Variants in ZNF578 observed in about 807,000 individuals in gnomAD.
ZNF578 encodes the protein Putative chemokine-related protein B42.
In ZNF578, 8 loss-of-function variants were observed where a neutral mutation model predicts 8.3. The ratio of observed to expected loss-of-function variants is 0.96; its 90% CI spans 0.56 to 1.74. The LOEUF is 1.74. ZNF578 is among the 40% of genes most tolerant of loss of function. The pLI, the probability that ZNF578 is intolerant of heterozygous loss-of-function variation, is 0.00. For synonymous variants in ZNF578, 206 were observed against 232.2 expected (o/e 0.89, Z 1.03); for missense variants, 726 against 707.5 (o/e 1.03, Z -0.30).
At chr19:52,477,855 G>A (rs1338592301) in intron 2 of ZNF578, among the ~76,000 whole-genome samples, 1 of 152,198 alleles carries the variant, frequency 6.6e-6, no homozygotes, top group Non-Finnish European at 1.5e-5. Flanking sequence ...TCTGACACTT[G>A]ACTGCCTCTT....
At chr19:52,487,351 T>C (rs991024174) in intron 2 of ZNF578, among the ~76,000 whole-genome samples, 5 of 152,116 alleles carry the variant, frequency 3.3e-5, no homozygotes, top group Non-Finnish European at 5.9e-5. Context: ...GGTGAGTTCA[T>C]TGGATATGAT....
At chr19:52,495,408 C>G (rs1599904830) in intron 3 of ZNF578, among the ~76,000 whole-genome samples, 3 of 147,390 alleles carry the variant, frequency 2.0e-5, no homozygotes, top group East Asian at 3.9e-4. Context: ...TGAGATCGCA[C>G]CATTGTACTT....
intron 2 of ZNF578, among the ~76,000 whole-genome samples, chr19:52,482,439 C>G (rs150800020): frequency 4.6e-5 from 7 of 152,064 alleles, no homozygotes; most frequent in Non-Finnish European, 1.0e-4. Flanking sequence ...GGTTCGAGAC[C>G]AGCGTGGCCA....
At chr19:52,456,021 T>A (rs2059238648) in intron 1 of ZNF578, 1 of 152,238 alleles carries the variant, frequency 6.6e-6, no homozygotes, top group African/African-American at 2.4e-5. Flanking sequence ...CTGAGGTTGC[T>A]CCTGTCTCAG....
intron 2 of ZNF578, chr19:52,474,414 C>T (rs1444593431): frequency 6.8e-6 from 2 of 295,618 alleles, no homozygotes; most frequent in Admixed American, 4.5e-5. Flanking sequence ...TAAGGTTTCT[C>T]TCCAGTAAGA....
chr19:52,512,330 T>C lies in ZNF578; in HGVS notation c.*176T>C, dbSNP rs1469992770. ...ACTTACCATCAGGCCATTCATGGTG[T>C]AGGGAAACTTGACTAATGTAATGAT... is the stretch of plus-strand genomic sequence containing the variant. On this transcript the variant is annotated 3_prime_UTR_variant, in exon 6 of 6. Transcript: ENST00000421239. 64 of 1,534,478 alleles carry C rather than the reference T, an allele frequency of 4.2e-5. No homozygotes were observed. The highest frequency in any genetic ancestry group is 3.5e-5 in the Non-Finnish European group (39 of 1,108,880).
intron 3 of ZNF578, among the ~76,000 whole-genome samples, chr19:52,494,407 G>C (rs1002530256): frequency 1.3e-5 from 2 of 152,208 alleles, no homozygotes; most frequent in Admixed American, 6.5e-5. Context: ...AGAGGCTGGA[G>C]GATCACTTGA....
chr19:52,491,974 C>G (rs1335441951), intron 3 of ZNF578, among the ~76,000 whole-genome samples: 1 of 151,540 alleles, frequency 6.6e-6, no homozygotes, highest in Non-Finnish European at 1.5e-5. Flanking sequence ...TCCTGGCTAA[C>G]ACGGTGAAAC....
chr19:52,515,725 G>C lies in ZNF578; in HGVS notation c.*3571G>C, dbSNP rs1254658199. Among the ~76,000 whole-genome samples, 1 of 151,572 alleles carries C rather than the reference G, an allele frequency of 6.6e-6. No homozygotes were observed. Among genetic ancestry groups the C allele is most frequent in the Admixed American group, 6.6e-5 (1 of 15,232 alleles). ...TTGGCAAAATGGAGTGCGTGTCTGG[G>C]TGTGGCTTTTTTTTTTTTGAGGAGT... On this transcript the variant is annotated 3_prime_UTR_variant, in exon 6 of 6. Transcript: ENST00000421239.
intron 2 of ZNF578, among the ~76,000 whole-genome samples, chr19:52,465,722 T>C (rs1352250490): frequency 6.6e-6 from 1 of 152,232 alleles, no homozygotes; most frequent in African/African-American, 2.4e-5. Context: ...GCTTCAAGCG[T>C]TGCTGTAGCA....
chr19:52,467,717 G>T (rs1238935025), intron 2 of ZNF578, among the ~76,000 whole-genome samples: 1 of 152,058 alleles, frequency 6.6e-6, no homozygotes, highest in African/African-American at 2.4e-5. Flanking sequence ...TCAATTTATT[G>T]GAAGACTCAG....
At chr19:52,506,526 G>C (rs1280232898) in intron 5 of ZNF578, among the ~76,000 whole-genome samples, 1 of 147,384 alleles carries the variant, frequency 6.8e-6, no homozygotes, top group Non-Finnish European at 1.5e-5. Flanking sequence ...GGAGTGCAGT[G>C]GTGCAATTTC....
At chr19:52,482,325 C>G (rs779116884) in intron 2 of ZNF578, among the ~76,000 whole-genome samples, 1 of 152,102 alleles carries the variant, frequency 6.6e-6, no homozygotes, top group Non-Finnish European at 1.5e-5. Flanking sequence ...TAAGCCACCA[C>G]GCCCAGCCCA....
In ZNF578 at chr19:52,511,772, T is replaced by C; in HGVS notation, c.1391T>C (p.Phe464Ser). The part of the protein sequence containing the change: ...SYKCEECDRV[F>S]SQKSNLERHK... ...AAATGTGAAGAATGTGACAGAGTTTTCAGTCAGAAATCAAACCTTGAGAGA... is the reference window on the plus strand; with the variant it reads ...AAATGTGAAGAATGTGACAGAGTTTCCAGTCAGAAATCAAACCTTGAGAGA... Residue 464 changes from phenylalanine to serine, a missense_variant, in exon 6 of 6, where the codon TTC becomes TCC. By Grantham distance (155) the Phe-to-Ser change is radical. Transcript: ENST00000421239. 1 of 1,613,258 alleles carries C rather than the reference T, an allele frequency of 6.2e-7. No homozygotes were observed. Among genetic ancestry groups the C allele is most frequent in the East Asian group, 2.2e-5 (1 of 44,474 alleles).
At chr19:52,500,020 G>A (rs535910840) in intron 3 of ZNF578, among the ~76,000 whole-genome samples, 125 of 152,180 alleles carry the variant, frequency 8.2e-4, no homozygotes, top group African/African-American at 2.9e-3. Flanking sequence ...CTTCACTTGA[G>A]CTGTCCCTCT....
chr19:52,489,443 C>A (rs113399839), intron 2 of ZNF578, among the ~76,000 whole-genome samples: 22 of 151,794 alleles, frequency 1.4e-4, no homozygotes, highest in African/African-American at 5.3e-4. Context: ...ACAAAATTAG[C>A]TGGGTGTGGT....
At position 52,510,801 on chromosome 19, in the gene ZNF578, C is replaced by T. The variant is rs777268044; in HGVS notation, c.420C>T (p.Asp140=). 5 of 1,614,126 alleles carry T rather than the reference C, an allele frequency of 3.1e-6. No individual in the cohort carries two copies. In the East Asian group the frequency reaches 8.9e-5, roughly 29 times the overall value. Residue 140 remains aspartate, a synonymous_variant, in exon 6 of 6, where the codon GAC becomes GAT. Transcript: ENST00000421239. The stretch of plus-strand genomic sequence containing the variant: ...TCAAAGAGTTGATGGGTAGCACAGA[C>T]CGACATGATCAAAGGCATGCTGGAA... ...PKIKELMGST[D]RHDQRHAGNK... is the part of the protein sequence containing the mutation.
chr19:52,474,653 C>T (rs2059302414), intron 2 of ZNF578: 1 of 316,380 alleles, frequency 3.2e-6, no homozygotes, highest in South Asian at 3.1e-5. Context: ...GGTTTCTCTC[C>T]AGTATGAATT....
chr19:52,483,731 A>T (rs551475465), intron 2 of ZNF578, among the ~76,000 whole-genome samples: 1 of 152,308 alleles, frequency 6.6e-6, no homozygotes, highest in South Asian at 2.1e-4. Context: ...CATATATATA[A>T]AATTGCTCTA....
Sources: gnomAD v4.1 joint callset for allele counts (sites outside exome capture counted in the v4.1 genomes callset) on GRCh38, gnomAD v4.1.1 for gene constraint, MANE v1.5 for transcripts, NCBI Gene and HGNC (gene_info 2026-07-23, HGNC 2026-07-21) for gene names.